ADAM9: variants seen among roughly 807,000 people sequenced by gnomAD.
ADAM9 encodes the protein ADAM metallopeptidase domain 9.
In ADAM9, 54 loss-of-function variants were observed where a neutral mutation model predicts 108.1. The observed-to-expected ratio is 0.50, with a 90% CI of 0.40 to 0.63. The LOEUF (loss-of-function observed/expected upper bound fraction) is 0.63. Ranked by LOEUF, ADAM9 falls within the 20% of genes least tolerant of loss-of-function variation. The pLI, the probability that ADAM9 is intolerant of heterozygous loss-of-function variation, is 0.00. For missense variants in ADAM9, 830 were observed against 997.7 expected, an observed-to-expected ratio of 0.83 and a Z score of 2.26; for synonymous variants, 316 against 336.0, an observed-to-expected ratio of 0.94 and a Z score of 0.65.
intron 14 of ADAM9, among the ~76,000 whole-genome samples, chr8:39,065,251 A>G (rs1219695626): frequency 6.7e-6 from 1 of 149,996 alleles, no homozygotes; most frequent in Admixed American, 6.6e-5. Context: ...AACTTCTTCA[A>G]CTTTATCTTC....
intron 12 of ADAM9, among the ~76,000 whole-genome samples, chr8:39,043,313 T>C (rs556430061): frequency 3.3e-5 from 5 of 152,292 alleles, no homozygotes; most frequent in East Asian, 1.9e-4. Context: ...CTAGATCACA[T>C]GGTAGTTATA....
intron 16 of ADAM9, 35 bp downstream of exon 16, chr8:39,077,446 G>T: frequency 2.6e-6 from 4 of 1,552,442 alleles, no homozygotes; most frequent in South Asian, 1.2e-5. Context: ...AAAGTAAAAT[G>T]AAAAAAATTA....
chr8:39,045,031 T>TACCTATGTATGTGTATGTGTGCGCGCAC (rs1837595164), intron 12 of ADAM9, among the ~76,000 whole-genome samples: 1 of 75,488 alleles, frequency 1.3e-5, no homozygotes, highest in African/African-American at 7.1e-5. Flanking sequence ...TGTGTGTGCA[T>TACCTATGTATGTGTATGTGTGCGCGCAC]ACATACATAT....
At chr8:39,002,564 G>T (rs1004225841) in intron 1 of ADAM9, among the ~76,000 whole-genome samples, 2 of 151,248 alleles carry the variant, frequency 1.3e-5, no homozygotes, top group African/African-American at 4.9e-5. Flanking sequence ...CTCGTGATCC[G>T]CCTGCCTCGG....
At chr8:39,042,196 T>C (rs1393490459) in intron 12 of ADAM9, 79 bp downstream of exon 12, 1 of 1,505,022 alleles carries the variant, frequency 6.6e-7, no homozygotes, top group Non-Finnish European at 9.2e-7. Flanking sequence ...TTTGGGCAAC[T>C]CTGACATAGG....
intron 11 of ADAM9, among the ~76,000 whole-genome samples, chr8:39,037,219 G>A (rs866857876): frequency 7.8e-4 from 117 of 149,610 alleles, no homozygotes; most frequent in African/African-American, 2.2e-3. Context: ...CACTGCGCCC[G>A]GCTAATTTTT....
chr8:39,036,565 A>G (rs577390995), intron 11 of ADAM9, among the ~76,000 whole-genome samples: 11 of 152,284 alleles, frequency 7.2e-5, no homozygotes, highest in African/African-American at 2.6e-4. Context: ...ATGTGAGAAA[A>G]GAGAGGAGGA....
intron 1 of ADAM9, among the ~76,000 whole-genome samples, chr8:38,998,977 A>T (rs1307378988): frequency 6.6e-6 from 1 of 152,032 alleles, no homozygotes; most frequent in Non-Finnish European, 1.5e-5. Context: ...GTGCGACCTA[A>T]TCTCATTTTC....
rs558719731 is a variant in ADAM9, at chr8:39,104,458, T to G, written c.*758T>G. 2.5e-6 allele frequency: 1 copy of G among 400,626 alleles called. No individual in the cohort carries two copies. The highest frequency in any genetic ancestry group is 1.9e-5 in the South Asian group (1 of 53,408). 24.8% of individuals were successfully genotyped at this position (400,626 alleles called of 1,614,324 possible). ...GACATTCGTTCACAATAGCACTATT[T>G]TAAATAAATTATAAGCTTTAAGGTA... On this transcript the variant is annotated 3_prime_UTR_variant, in exon 22 of 22. Transcript: ENST00000487273.
chr8:39,023,257 G>A lies in ADAM9; in HGVS notation c.846G>A (p.Gly282=), dbSNP rs138474712. The A allele has an allele frequency of 1.6e-5, 26 of 1,613,626 alleles. No individual in the cohort carries two copies. Among genetic ancestry groups the A allele is most frequent in the Non-Finnish European group, 2.1e-5 (25 of 1,179,878 alleles). ...NIVGGAGDVL[G]NFVQWREKFL... ...TTGGGGGTGCTGGTGATGTGCTGGG[G>A]AACTTCGTGCAGTGGCGGGAAAAGT... Residue 282 remains glycine (G), a synonymous_variant, in exon 9 of 22, where the codon GGG becomes GGA. Transcript: ENST00000487273.
chr8:39,100,440 C>T (rs1371498791), intron 20 of ADAM9, among the ~76,000 whole-genome samples: 1 of 150,844 alleles, frequency 6.6e-6, no homozygotes, highest in African/African-American at 2.4e-5. Flanking sequence ...TTGCAGTGAG[C>T]TGAGATCGCG....
chr8:39,036,657 A>G (rs1312049445), intron 11 of ADAM9, among the ~76,000 whole-genome samples: 1 of 152,218 alleles, frequency 6.6e-6, no homozygotes, highest in Non-Finnish European at 1.5e-5. Context: ...GCCCCGTATC[A>G]GGAGAAAGAT....
chr8:39,004,942 CTG>C (rs1836114601), intron 1 of ADAM9, among the ~76,000 whole-genome samples: 1 of 152,320 alleles, frequency 6.6e-6, no homozygotes, highest in Middle Eastern at 3.4e-3. Flanking sequence ...AGCAAAGTCT[CTG>C]TGACTTGTAT....
At chr8:39,039,124 T>C (rs1440058598) in intron 11 of ADAM9, among the ~76,000 whole-genome samples, 1 of 152,160 alleles carries the variant, frequency 6.6e-6, no homozygotes, top group Non-Finnish European at 1.5e-5. Context: ...TTAGAGTTCC[T>C]TGGATATACA....
At chr8:39,064,104 T>C (rs1245969737) in intron 14 of ADAM9, among the ~76,000 whole-genome samples, 4 of 152,068 alleles carry the variant, frequency 2.6e-5, no homozygotes, top group African/African-American at 7.2e-5. Flanking sequence ...ATGAGAAAAA[T>C]GTTTGAAGGC....
rs751913981 is a variant in ADAM9 at position 39,103,799 on chromosome 8, G to A, written c.*99G>A. On this transcript the variant is annotated 3_prime_UTR_variant, in exon 22 of 22. Coordinates refer to ENST00000487273, the MANE Select transcript of ADAM9 (RefSeq NM_003816.3). Reference sequence around the variant, plus strand: ...TGAAAAGCCTTTCTGTTGCAACTATGAATGAAAACAAAACACCACAAAACA... The same window carrying A: ...TGAAAAGCCTTTCTGTTGCAACTATAAATGAAAACAAAACACCACAAAACA... 8.6e-7 allele frequency: 1 copy of A among 1,160,702 alleles called. No homozygotes were observed. The highest frequency in any genetic ancestry group is 2.4e-5 in the East Asian group (1 of 42,454). The allele number at this position is 1,160,702 out of a possible 1,614,324, so 71.9% of individuals were successfully genotyped here.
intron 7 of ADAM9, among the ~76,000 whole-genome samples, chr8:39,019,760 TA>T (rs1186968375): frequency 2.0e-5 from 3 of 152,184 alleles, no homozygotes; most frequent in African/African-American, 7.2e-5. Context: ...TTTTTGGTTT[TA>T]AAAAAATTCC....
At chr8:39,055,323 G>T (rs565566466) in intron 13 of ADAM9, among the ~76,000 whole-genome samples, 1 of 152,252 alleles carries the variant, frequency 6.6e-6, no homozygotes, top group East Asian at 1.9e-4. Flanking sequence ...TAATTCAATA[G>T]GTGTAAAGGG....
chr8:39,000,256 C>T (rs1013038322), intron 1 of ADAM9, among the ~76,000 whole-genome samples: 1 of 152,028 alleles, frequency 6.6e-6, no homozygotes, highest in East Asian at 1.9e-4. Flanking sequence ...CCTCCCAAAG[C>T]GCTGAGACTA....
Sources: gnomAD v4.1 joint callset for allele counts (sites outside exome capture counted in the v4.1 genomes callset) on GRCh38, gnomAD v4.1.1 for gene constraint, MANE v1.5 for transcripts, NCBI Gene and HGNC (gene_info 2026-07-23, HGNC 2026-07-21) for gene names.